SYNE1: variants seen among roughly 807,000 people sequenced by gnomAD.
The protein encoded by SYNE1 is nesprin-1.
A neutral mutation model predicts 1,111.0 loss-of-function variants in SYNE1; 616 were observed. The observed-to-expected ratio is 0.55, with a 90% CI of 0.52 to 0.59. SYNE1 has a LOEUF of 0.59. Ranked by LOEUF, SYNE1 falls within the 20% of genes least tolerant of loss-of-function variation. The pLI is 0.00. For synonymous variants in SYNE1, 3,855 were observed against 3,825.8 expected (o/e 1.01, Z -0.28); for missense variants, 10,006 against 10,417.0 (o/e 0.96, Z 1.72).
chr6:152,173,276 C>A (rs1202725656), intron 130 of SYNE1, among the ~76,000 whole-genome samples: 1 of 152,130 alleles, frequency 6.6e-6, no homozygotes, highest in East Asian at 1.9e-4. Context: ...AAATCTTTTT[C>A]TTTTCTTTTT....
intron 6 of SYNE1, among the ~76,000 whole-genome samples, chr6:152,517,513 T>C (rs189312041): frequency 2.8e-4 from 43 of 152,318 alleles, no homozygotes; most frequent in Non-Finnish European, 5.4e-4. Flanking sequence ...TCCAATTATA[T>C]GGAAGCACTT....
Position 152,124,721 on chromosome 6 carries a change from ATAG to A in SYNE1, c.26154-2048_26154-2046del, listed in dbSNP as rs1446609677. On this transcript the variant is annotated intron_variant, in intron 145 of 145. Coordinates refer to ENST00000367255, the MANE Select transcript of SYNE1 (RefSeq NM_182961.4). The stretch of plus-strand genomic sequence containing the variant: ...AAAAAAAAGTATATTTTGTGAAAAT[ATAG>A]TAGAACATAAAAGAAGTATGTCATA... Among the ~76,000 whole-genome samples the A allele has an allele frequency of 2.6e-5, 4 of 152,238 alleles. No individual in the cohort carries two copies. In the East Asian group the frequency reaches 7.7e-4, roughly 29 times the overall value.
intron 129 of SYNE1, among the ~76,000 whole-genome samples, chr6:152,178,004 A>G (rs1161477048): frequency 3.3e-5 from 5 of 152,064 alleles, no homozygotes; most frequent in African/African-American, 2.4e-5. Context: ...TTTCCTTTAC[A>G]AAAGAGACGC....
chr6:152,242,334 T>C lies in SYNE1; in HGVS notation c.19799A>G (p.Asp6600Gly). The change falls in exon 107 of 146, where the codon GAC (aspartate) becomes GGC (glycine). Residue 6600 changes from aspartate to glycine, a missense_variant. By Grantham distance (94) the Asp-to-Gly change is moderately conservative (BLOSUM62 -1). This residue lies in a region of SYNE1 where 2,182 missense variants were observed against 2,287.8 expected (regional missense o/e 0.95). Transcript: ENST00000367255. ...QYERALQDLA[D>G]LLETGQEKMA... is the part of the protein sequence containing the mutation. ...CTTCTCCTGACCAGTTTCTAGCAGGTCAGCCAGATCTTGTAGGGCCCTCTC... is the reference window on the plus strand; with the variant it reads ...CTTCTCCTGACCAGTTTCTAGCAGGCCAGCCAGATCTTGTAGGGCCCTCTC... 1 of 1,614,104 alleles carries C rather than the reference T, an allele frequency of 6.2e-7. No homozygotes were observed. Among genetic ancestry groups the C allele is most frequent in the Non-Finnish European group, 8.5e-7 (1 of 1,180,002 alleles).
At chr6:152,416,309 T>C in intron 41 of SYNE1, 78 bp downstream of exon 41, 2 of 1,593,298 alleles carry the variant, frequency 1.3e-6, no homozygotes, top group Non-Finnish European at 1.7e-6. Flanking sequence ...ACAGTACTAA[T>C]AAAGTTTTGC....
chr6:152,537,309 A>T (rs966652658), intron 4 of SYNE1, among the ~76,000 whole-genome samples: 2 of 152,170 alleles, frequency 1.3e-5, no homozygotes, highest in African/African-American at 4.8e-5. Flanking sequence ...AAAAAAGAAC[A>T]GATATTTATA....
chr6:152,307,904 C>T (rs1402636644), intron 91 of SYNE1, among the ~76,000 whole-genome samples: 2 of 152,178 alleles, frequency 1.3e-5, no homozygotes, highest in African/African-American at 2.4e-5. Context: ...GCGATCTTGG[C>T]TCACTGCAAC....
chr6:152,548,709 A>C (rs1185053962), intron 3 of SYNE1, among the ~76,000 whole-genome samples: 1 of 152,198 alleles, frequency 6.6e-6, no homozygotes, highest in Non-Finnish European at 1.5e-5. Context: ...GAAAACAAAC[A>C]GTAGTGACCA....
intron 3 of SYNE1, among the ~76,000 whole-genome samples, chr6:152,588,999 G>A (rs2128491938): frequency 6.6e-6 from 1 of 151,906 alleles, no homozygotes; most frequent in Non-Finnish European, 1.5e-5. Context: ...GTCTAGGCTG[G>A]AGTTCAGAGG....
At chr6:152,122,787 G>C in intron 145 of SYNE1, 111 bp from the exon 146 acceptor site, 2 of 1,548,512 alleles carry the variant, frequency 1.3e-6, no homozygotes, top group Non-Finnish European at 1.8e-6. Context: ...GCACACCCCA[G>C]CCTGGCGATC....
rs568825759 is a variant in SYNE1 at position 152,292,842 on chromosome 6, G to A, written c.18012+746C>T. 7.9e-5 allele frequency among the ~76,000 whole-genome samples: 12 copies of A among 152,272 alleles called. No homozygotes were observed. In the East Asian group the frequency reaches 2.1e-3, roughly 27 times the overall value. ...GCCAGGCAGCATTTTCCTACCTCAC[G>A]GTGATGAATATGTAGGAGAATGTGT... On this transcript the variant is annotated intron_variant, in intron 95 of 145. Coordinates refer to ENST00000367255, the MANE Select transcript of SYNE1 (RefSeq NM_182961.4).
At chr6:152,231,295 A>T in intron 114 of SYNE1, 96 bp downstream of exon 114, 2 of 1,352,002 alleles carry the variant, frequency 1.5e-6, no homozygotes, top group Non-Finnish European at 2.1e-6. Flanking sequence ...TTTGCCCAGT[A>T]TAGCCACGCT....
chr6:152,221,155 A>G (rs1490097795), intron 118 of SYNE1, 109 bp from the exon 119 acceptor site: 1 of 1,227,288 alleles, frequency 8.1e-7, no homozygotes, highest in African/African-American at 1.5e-5. Flanking sequence ...AGACATAATC[A>G]TTTCTAGTTA....
At chr6:152,577,000 T>A (rs2099499197) in intron 3 of SYNE1, among the ~76,000 whole-genome samples, 1 of 152,206 alleles carries the variant, frequency 6.6e-6, no homozygotes, top group South Asian at 2.1e-4. Flanking sequence ...CAGCTTTTAT[T>A]GTCAGACAAT....
chr6:152,188,984 AATATATATATATATATATAT>A (rs1190850842), intron 128 of SYNE1, among the ~76,000 whole-genome samples: 13 of 23,000 alleles, frequency 5.7e-4, no homozygotes, highest in South Asian at 2.6e-3. Flanking sequence ...AAAAAAAAAA[AATATATATATATATATATAT>A]ATATATATAT....
intron 45 of SYNE1, chr6:152,404,741 T>G (rs1444805173): frequency 1.9e-5 from 3 of 161,166 alleles, no homozygotes; most frequent in Non-Finnish European, 2.7e-5. Flanking sequence ...TATTATAGAC[T>G]ATGTGTAATA....
intron 105 of SYNE1, 37 bp downstream of exon 105, chr6:152,249,124 T>C (rs1179419283): frequency 7.7e-7 from 1 of 1,302,696 alleles, no homozygotes; most frequent in East Asian, 2.3e-5. Context: ...ATCTCCTCTA[T>C]GCATTTTCTC....
At chr6:152,403,606 C>T in intron 46 of SYNE1, among the ~76,000 whole-genome samples, 1 of 152,086 alleles carries the variant, frequency 6.6e-6, no homozygotes, top group East Asian at 1.9e-4. Context: ...CCTGTAGTCT[C>T]AGCTACCAGG....
intron 75 of SYNE1, among the ~76,000 whole-genome samples, chr6:152,338,868 G>T (rs148121901): frequency 3.6e-4 from 55 of 152,180 alleles, no homozygotes; most frequent in Non-Finnish European, 6.9e-4. Context: ...TAAAGAAAGG[G>T]TCAAGAGCCC....
Sources: allele counts gnomAD v4.1 joint callset (sites outside exome capture counted in the v4.1 genomes callset), GRCh38; gene constraint gnomAD v4.1.1; regional missense constraint gnomAD v4.1.1; transcripts MANE v1.5; gene names NCBI Gene and HGNC (gene_info 2026-07-23, HGNC 2026-07-21).